Variants in LHX8 observed in about 807,000 individuals in gnomAD.
LHX8 encodes the protein LIM homeobox 8, also known as LIM/homeobox protein Lhx8.
LHX8 carries 12 observed loss-of-function variants against 40.3 expected under a neutral mutation model. That is an observed-to-expected ratio of 0.30 (90% CI 0.19 to 0.48). The LOEUF (loss-of-function observed/expected upper bound fraction) is 0.48. Ranked by LOEUF, LHX8 falls within the 20% of genes least tolerant of loss-of-function variation. LHX8 has a pLI of 0.99. For synonymous variants in LHX8, 179 were observed against 162.0 expected (o/e 1.10, Z -0.80); for missense variants, 344 against 433.7 (o/e 0.79, Z 1.84).
At chr1:75,189,927 C>T in the LHX8 span, among the ~76,000 whole-genome samples, 3 of 152,192 alleles carry the variant, frequency 2.0e-5, no homozygotes, top group African/African-American at 7.2e-5. Context: ...GCTATTTACT[C>T]ATTCATTTTT....
chr1:75,129,887 C>A (rs532802436), upstream of LHX8: 1 of 148,134 alleles, frequency 6.8e-6, no homozygotes, highest in African/African-American at 2.4e-5. Flanking sequence ...TAAAGGGAGG[C>A]GGGTAGAGAG....
the LHX8 span, among the ~76,000 whole-genome samples, chr1:75,173,108 T>G: frequency 2.0e-5 from 3 of 152,180 alleles, no homozygotes; most frequent in African/African-American, 7.2e-5. Flanking sequence ...GGAGATTCCA[T>G]TTCCACTGGA....
At chr1:75,150,997 C>T (rs1426256727) in intron 7 of LHX8, among the ~76,000 whole-genome samples, 2 of 151,810 alleles carry the variant, frequency 1.3e-5, no homozygotes, top group Non-Finnish European at 1.5e-5. Flanking sequence ...TAAATAACAC[C>T]GGAAGTTCAA....
chr1:75,171,348 C>T, the LHX8 span, among the ~76,000 whole-genome samples: 2 of 151,958 alleles, frequency 1.3e-5, no homozygotes, highest in Non-Finnish European at 2.9e-5. Context: ...TACAGACATA[C>T]TGACTTAAGC....
At chr1:75,183,019 T>C in the LHX8 span, 1 of 152,212 alleles carries the variant, frequency 6.6e-6, no homozygotes. Context: ...ATATCTGCCT[T>C]GCTGTTATTA....
chr1:75,130,542 A>G (rs1647934953), upstream of LHX8: 3 of 722,802 alleles, frequency 4.2e-6, no homozygotes, highest in Middle Eastern at 7.7e-4. Flanking sequence ...TGGGAGAGAG[A>G]CCAGTGGGTC....
chr1:75,159,506 A>G (rs1209944056), intron 8 of LHX8: 1 of 152,046 alleles, frequency 6.6e-6, no homozygotes, highest in Admixed American at 6.6e-5. Flanking sequence ...ATCCTGTAAA[A>G]AAATCATCCA....
At chr1:75,162,722 G>A (rs1648946956), downstream of LHX8, among the ~76,000 whole-genome samples, 1 of 152,164 alleles carries the variant, frequency 6.6e-6, no homozygotes, top group African/African-American at 2.4e-5. Context: ...CATGAAAAGA[G>A]ATAGATGTGA....
the LHX8 span, among the ~76,000 whole-genome samples, chr1:75,198,374 G>T: frequency 3.3e-5 from 5 of 152,176 alleles, no homozygotes; most frequent in Admixed American, 2.6e-4. Context: ...AAAGTCCTCA[G>T]TCAAGAGAAT....
At chr1:75,129,719 T>G (rs1647913116), upstream of LHX8, among the ~76,000 whole-genome samples, 1 of 152,218 alleles carries the variant, frequency 6.6e-6, no homozygotes, top group Admixed American at 6.5e-5. Context: ...CCTGCCACAC[T>G]GGCCGAGTTG....
chr1:75,164,822 A>T (rs1648998879), downstream of LHX8, among the ~76,000 whole-genome samples: 1 of 148,798 alleles, frequency 6.7e-6, no homozygotes, highest in Non-Finnish European at 1.5e-5. Flanking sequence ...GATGCATGCC[A>T]CCACACACCA....
chr1:75,141,553 T>A (rs1454783104), intron 4 of LHX8, among the ~76,000 whole-genome samples: 1 of 152,138 alleles, frequency 6.6e-6, no homozygotes, highest in Non-Finnish European at 1.5e-5. Flanking sequence ...TATAAAATTC[T>A]AAGGGTTTGT....
the LHX8 span, among the ~76,000 whole-genome samples, chr1:75,177,495 G>T: frequency 2.3e-4 from 35 of 152,290 alleles, no homozygotes; most frequent in African/African-American, 8.2e-4. Flanking sequence ...TGATGTATAA[G>T]AATGCTTGTG....
chr1:75,135,662 C>T (rs537070871), intron 1 of LHX8, among the ~76,000 whole-genome samples: 166 of 152,342 alleles, frequency 1.1e-3, no homozygotes, highest in African/African-American at 3.7e-3. Flanking sequence ...GGTCTAAGCC[C>T]AGGGACGCTG....
intron 8 of LHX8, chr1:75,159,440 T>G (rs1390034867): frequency 6.6e-6 from 1 of 152,110 alleles, no homozygotes; most frequent in Non-Finnish European, 1.5e-5. Context: ...ATGAAAAAAT[T>G]TTCTTGTTTT....
the LHX8 span, among the ~76,000 whole-genome samples, chr1:75,190,998 T>C: frequency 1.3e-5 from 2 of 152,164 alleles, no homozygotes; most frequent in Non-Finnish European, 2.9e-5. Context: ...CTTGATTTTA[T>C]TGTATGTCAA....
At chr1:75,172,205 C>T in the LHX8 span, among the ~76,000 whole-genome samples, 3 of 152,140 alleles carry the variant, frequency 2.0e-5, no homozygotes, top group Admixed American at 2.0e-4. Context: ...CTACTCATAT[C>T]ACAACTATTT....
Position 75,160,826 on chromosome 1 carries a change from A to C in LHX8, c.972A>C (p.Ser324=). Residue 324 remains serine (S), a synonymous_variant, in exon 9 of 9, where the codon TCA becomes TCC. Transcript: ENST00000356261. ...TALHSYMDAH[S]PTTLGLQPLL... ...TTTCTTTCTATTTTGTAGCTCATTC[A>C]CCAACAACTCTTGGACTCCAGCCCT... 6.2e-7 allele frequency: 1 copy of C among 1,611,684 alleles called. No individual in the cohort carries two copies. The highest frequency in any genetic ancestry group is 8.5e-7 in the Non-Finnish European group (1 of 1,177,850).
chr1:75,144,055 G>T (rs1410504887), intron 6 of LHX8, 107 bp downstream of exon 6: 4 of 841,642 alleles, frequency 4.8e-6, no homozygotes, highest in Non-Finnish European at 3.9e-6. Context: ...TAAAAAATTA[G>T]CCTATGTGTT....
Sources: gnomAD v4.1 joint callset for allele counts (sites outside exome capture counted in the v4.1 genomes callset) on GRCh38, gnomAD v4.1.1 for gene constraint, MANE v1.5 for transcripts, NCBI Gene and HGNC (gene_info 2026-07-23, HGNC 2026-07-21) for gene names.